CNTLN: variants seen among roughly 807,000 people sequenced by gnomAD.
CNTLN encodes centlein.
CNTLN carries 212 observed loss-of-function variants against 180.0 expected under a neutral mutation model. The observed-to-expected ratio is 1.18, with a 90% confidence interval of 1.05 to 1.32. The LOEUF is 1.32. Ranked by LOEUF, CNTLN falls within the 40% of genes most tolerant of loss-of-function variation. The pLI is 0.00. For missense variants in CNTLN, 2,095 were observed against 1,610.9 expected, an observed-to-expected ratio of 1.30 and a Z score of -5.14; for synonymous variants, 722 against 563.1, an observed-to-expected ratio of 1.28 and a Z score of -3.99.
intron 2 of CNTLN, among the ~76,000 whole-genome samples, chr9:17,177,668 G>A (rs1439411197): frequency 1.3e-5 from 2 of 151,934 alleles, no homozygotes; most frequent in Admixed American, 6.6e-5. Context: ...TCTTAAGGCA[G>A]CACATCCGGA....
At chr9:17,213,085 C>T (rs533585814) in intron 2 of CNTLN, among the ~76,000 whole-genome samples, 17 of 151,998 alleles carry the variant, frequency 1.1e-4, no homozygotes, top group South Asian at 6.2e-4. Flanking sequence ...ACTTATTTCT[C>T]GCCTTCTGCT....
At chr9:17,178,725 A>G (rs1471513967) in intron 2 of CNTLN, among the ~76,000 whole-genome samples, 1 of 151,694 alleles carries the variant, frequency 6.6e-6, no homozygotes, top group African/African-American at 2.4e-5. Context: ...ACGCTGGCCC[A>G]CAAGGGTTGC....
At chr9:17,328,595 A>G (rs1358138691) in intron 8 of CNTLN, among the ~76,000 whole-genome samples, 1 of 152,194 alleles carries the variant, frequency 6.6e-6, no homozygotes, top group Non-Finnish European at 1.5e-5. Context: ...TGTCTGTAAC[A>G]AAAGTGATAA....
intron 10 of CNTLN, among the ~76,000 whole-genome samples, chr9:17,334,179 C>T (rs192414058): frequency 1.3e-5 from 2 of 152,198 alleles, no homozygotes; most frequent in East Asian, 1.9e-4. Context: ...TCTGTCTCAG[C>T]CCCCCGAGTA....
chr9:17,294,386 T>C (rs1407725970), intron 6 of CNTLN, among the ~76,000 whole-genome samples: 1 of 150,746 alleles, frequency 6.6e-6, no homozygotes, highest in Non-Finnish European at 1.5e-5. Flanking sequence ...TGCTGATTGG[T>C]GCGTTTACAA....
At chr9:17,432,564 G>A (rs1204670880) in intron 18 of CNTLN, among the ~76,000 whole-genome samples, 1 of 152,112 alleles carries the variant, frequency 6.6e-6, no homozygotes, top group Admixed American at 6.5e-5. Context: ...CCTGAAGGAT[G>A]GGAGATTAAA....
At chr9:17,166,667 G>C (rs143392787) in intron 2 of CNTLN, among the ~76,000 whole-genome samples, 5 of 152,278 alleles carry the variant, frequency 3.3e-5, no homozygotes, top group Non-Finnish European at 4.4e-5. Flanking sequence ...CTAGAAGCTG[G>C]AAGACATGGA....
chr9:17,427,019 C>G (rs759233014), intron 18 of CNTLN, among the ~76,000 whole-genome samples: 13 of 152,096 alleles, frequency 8.5e-5, no homozygotes, highest in Non-Finnish European at 1.6e-4. Context: ...CAATCAGAGA[C>G]ATATTTCTTT....
At chr9:17,513,576 A>G in the CNTLN span, among the ~76,000 whole-genome samples, 2 of 152,150 alleles carry the variant, frequency 1.3e-5, no homozygotes. Flanking sequence ...ATGCACCTGT[A>G]GTCCCAGCTA....
chr9:17,179,218 T>C (rs1254804803), intron 2 of CNTLN, among the ~76,000 whole-genome samples: 5 of 120,488 alleles, frequency 4.1e-5, no homozygotes, highest in African/African-American at 1.8e-4. Flanking sequence ...CACTCCAGCC[T>C]GGGCGACAGA....
chr9:17,515,656 A>G, the CNTLN span, among the ~76,000 whole-genome samples: 2 of 152,182 alleles, frequency 1.3e-5, no homozygotes, highest in African/African-American at 4.8e-5. Context: ...ACTCCCTTCA[A>G]TGTATCGGGA....
chr9:17,487,023 A>G lies in CNTLN; in HGVS notation c.4076A>G (p.Asp1359Gly). The G allele has an allele frequency of 6.3e-7, 1 of 1,584,010 alleles. No individual in the cohort carries two copies. The highest frequency in any genetic ancestry group is 8.5e-7 in the Non-Finnish European group (1 of 1,171,408). Residue 1359 changes from aspartate to glycine, a missense_variant, in exon 25 of 26, where the codon GAC (aspartate) becomes GGC (glycine). Transcript: ENST00000380647. The stretch of plus-strand genomic sequence containing the variant: ...AAAACAAAAATTGATGCTGAAAATG[A>G]CAAGGAATGGATGTTGTACATTCAG... Reference protein sequence around the residue: ...IEKTKIDAENDKEWMLYIQKL... With the variant: ...IEKTKIDAENGKEWMLYIQKL...
At chr9:17,443,649 T>C (rs767182442) in intron 18 of CNTLN, among the ~76,000 whole-genome samples, 1 of 152,202 alleles carries the variant, frequency 6.6e-6, no homozygotes, top group African/African-American at 2.4e-5. Flanking sequence ...AGTTGACTGG[T>C]TAACACATGG....
the CNTLN span, among the ~76,000 whole-genome samples, chr9:17,516,145 A>G: frequency 5.9e-5 from 9 of 151,996 alleles, no homozygotes; most frequent in Admixed American, 3.3e-4. Context: ...ACTCAAAGAC[A>G]CCTCTTTAAA....
intron 5 of CNTLN, among the ~76,000 whole-genome samples, chr9:17,260,502 A>G (rs554946686): frequency 3.3e-5 from 5 of 151,272 alleles, no homozygotes; most frequent in Admixed American, 1.3e-4. Context: ...CCACTTTTTA[A>G]TGGGATCATT....
the CNTLN span, among the ~76,000 whole-genome samples, chr9:17,526,255 A>G: frequency 1.3e-5 from 2 of 152,120 alleles, no homozygotes; most frequent in Non-Finnish European, 2.9e-5. Context: ...TGTATACATC[A>G]TTTCCCTACT....
At chr9:17,492,411 G>T (rs953429973) in intron 25 of CNTLN, among the ~76,000 whole-genome samples, 3 of 152,030 alleles carry the variant, frequency 2.0e-5, no homozygotes, top group Admixed American at 2.0e-4. Flanking sequence ...AGAGATTTCT[G>T]CCTGGAAGTT....
At chr9:17,239,870 G>A (rs1825382087) in intron 5 of CNTLN, among the ~76,000 whole-genome samples, 1 of 152,120 alleles carries the variant, frequency 6.6e-6, no homozygotes, top group South Asian at 2.1e-4. Flanking sequence ...GGATGTTGCA[G>A]ATTTGTAGCA....
Position 17,492,104 on chromosome 9 carries a change from G to C in CNTLN, c.4119+5038G>C, listed in dbSNP as rs887885789. On this transcript the variant is annotated intron_variant, in intron 25 of 25. Coordinates refer to ENST00000380647, the MANE Select transcript of CNTLN (RefSeq NM_017738.4). ...TCCTCACATTTAGATGAAGTAGCAA[G>C]AGTTTAAAATTCTCTACTCACAGCC... 4.6e-5 allele frequency among the ~76,000 whole-genome samples: 7 copies of C among 151,942 alleles called. No individual in the cohort carries two copies. In the East Asian group the frequency reaches 1.2e-3, roughly 25 times the overall value.
Sources: allele counts gnomAD v4.1 joint callset (sites outside exome capture counted in the v4.1 genomes callset), GRCh38; gene constraint gnomAD v4.1.1; transcripts MANE v1.5; gene names NCBI Gene and HGNC (gene_info 2026-07-23, HGNC 2026-07-21).